The following CSGALNACT1 variants were observed in gnomAD, a reference collection of about 807,000 sequenced individuals.
CSGALNACT1 encodes beta4GalNAcT-1.
CSGALNACT1 carries 52 observed loss-of-function variants against 51.0 expected under a neutral mutation model. The observed-to-expected ratio is 1.02, with a 90% CI of 0.82 to 1.29. CSGALNACT1 has a LOEUF of 1.29. CSGALNACT1 is among the 50% of genes most tolerant of loss of function. The pLI is 0.00. For synonymous variants in CSGALNACT1, 341 were observed against 254.4 expected, an observed-to-expected ratio of 1.34 and a Z score of -3.24; for missense variants, 935 against 679.2, an observed-to-expected ratio of 1.38 and a Z score of -4.19.
intron 3 of CSGALNACT1, among the ~76,000 whole-genome samples, chr8:19,547,234 T>C (rs992144633): frequency 6.6e-6 from 1 of 152,190 alleles, no homozygotes; most frequent in African/African-American, 2.4e-5. Flanking sequence ...AGGTGTAATA[T>C]AACACACAGC....
At chr8:19,653,300 G>T (rs1327025323) in intron 1 of CSGALNACT1, among the ~76,000 whole-genome samples, 1 of 152,022 alleles carries the variant, frequency 6.6e-6, no homozygotes, top group Non-Finnish European at 1.5e-5. Flanking sequence ...TGTTGACATC[G>T]CTGAGTATCC....
rs577673487 is a variant in CSGALNACT1 at position 19,674,617 on chromosome 8, C to T, written c.-544+7856G>A. On this transcript the variant is annotated intron_variant, in intron 1 of 9. Coordinates refer to the CSGALNACT1 transcript ENST00000332246. ...TCACTCCAGGACCCTGGCCTTTATCCGCAGTGATAGGTAAGCAGTGATTGG... is the reference window on the plus strand; with the variant it reads ...TCACTCCAGGACCCTGGCCTTTATCTGCAGTGATAGGTAAGCAGTGATTGG... 7.9e-5 allele frequency among the ~76,000 whole-genome samples: 12 copies of T among 152,132 alleles called. No individual in the cohort carries two copies. The South Asian group carries it at 1.0e-3, about 13-fold the overall frequency.
exon 10 of CSGALNACT1, chr8:19,404,521 C>T (rs1231962793): frequency 2.2e-6 from 1 of 453,786 alleles, no homozygotes; most frequent in African/African-American, 2.0e-5. Context: ...AAAAATAATT[C>T]AGTTACTTCC....
At chr8:19,642,758 C>T (rs1449858724) in intron 1 of CSGALNACT1, among the ~76,000 whole-genome samples, 1 of 149,684 alleles carries the variant, frequency 6.7e-6, no homozygotes, top group African/African-American at 2.5e-5. Context: ...CACTGCACTC[C>T]GGCCTGGGTG....
At chr8:19,497,192 T>C (rs2075642442) in intron 4 of CSGALNACT1, among the ~76,000 whole-genome samples, 1 of 152,152 alleles carries the variant, frequency 6.6e-6, no homozygotes, top group African/African-American at 2.4e-5. Context: ...CCTCCTGCCC[T>C]GCACAGACAG....
intron 6 of CSGALNACT1, among the ~76,000 whole-genome samples, chr8:19,432,363 T>C (rs142914087): frequency 6.6e-6 from 1 of 152,334 alleles, no homozygotes; most frequent in East Asian, 1.9e-4. Context: ...GTTGCTTCTC[T>C]TTCTCTGTCT....
intron 5 of CSGALNACT1, among the ~76,000 whole-genome samples, chr8:19,448,560 G>A (rs1466249595): frequency 1.3e-5 from 2 of 152,126 alleles, no homozygotes; most frequent in Non-Finnish European, 2.9e-5. Flanking sequence ...GAGGTAAAAT[G>A]AACTAAAAGG....
At chr8:19,625,784 A>G (rs1268393282) in intron 1 of CSGALNACT1, among the ~76,000 whole-genome samples, 1 of 152,208 alleles carries the variant, frequency 6.6e-6, no homozygotes, top group African/African-American at 2.4e-5. Context: ...CCTACAGAAC[A>G]AGGAGTTTGA....
chr8:19,514,803 A>G (rs1466868802), intron 3 of CSGALNACT1, among the ~76,000 whole-genome samples: 1 of 151,964 alleles, frequency 6.6e-6, no homozygotes, highest in Non-Finnish European at 1.5e-5. Context: ...ACTGTACTCC[A>G]GCCTGGGGGA....
chr8:19,438,050 G>A (rs891837462), intron 6 of CSGALNACT1, among the ~76,000 whole-genome samples: 2 of 152,184 alleles, frequency 1.3e-5, no homozygotes, highest in African/African-American at 4.8e-5. Context: ...TCATTTAAAT[G>A]TGGTTACGTG....
intron 7 of CSGALNACT1, 53 bp downstream of exon 6, chr8:19,420,287 T>C: frequency 6.4e-7 from 1 of 1,553,154 alleles, no homozygotes; most frequent in East Asian, 2.2e-5. Context: ...GGACGACACA[T>C]GGGCCCGAGA....
chr8:19,485,758 GCT>G (rs1491522340), intron 4 of CSGALNACT1, among the ~76,000 whole-genome samples: 8 of 23,476 alleles, frequency 3.4e-4, no homozygotes, highest in Middle Eastern at 0.091. Flanking sequence ...ACCTCAGCTT[GCT>G]TTTTTTTTTT....
chr8:19,755,632 T>C lies in CSGALNACT1; in HGVS notation c.-297+2218A>G, dbSNP rs184261343. Among the ~76,000 whole-genome samples, 396 of 152,256 alleles carry C rather than the reference T, an allele frequency of 2.6e-3. 2 individuals carry two copies. Among genetic ancestry groups the C allele is most frequent in the South Asian group, 0.015 (73 of 4,820 alleles). On this transcript the variant is annotated intron_variant, in intron 1 of 1. Transcript: ENST00000517494. ...CAAGGCTAGGAAAGGGGAAGTAACT[T>C]GCCCAAGGTCATGCAATTAATAAGT...
chr8:19,561,578 T>G (rs948560458), intron 3 of CSGALNACT1, among the ~76,000 whole-genome samples: 2 of 152,246 alleles, frequency 1.3e-5, no homozygotes, highest in African/African-American at 4.8e-5. Flanking sequence ...AAGGCGGCCT[T>G]GGCCTGTCCT....
intron 5 of CSGALNACT1, among the ~76,000 whole-genome samples, chr8:19,450,268 GA>G (rs1447403709): frequency 1.9e-4 from 21 of 108,490 alleles, no homozygotes; most frequent in African/African-American, 2.1e-4. Context: ...CAGGGGAGGA[GA>G]GGGGGGAGGA....
At chr8:19,725,229 G>A (rs2063334695) in intron 1 of CSGALNACT1, among the ~76,000 whole-genome samples, 3 of 152,168 alleles carry the variant, frequency 2.0e-5, no homozygotes, top group Admixed American at 6.5e-5. Flanking sequence ...CGCTTTGCTA[G>A]TGCAGCCCAC....
intron 3 of CSGALNACT1, among the ~76,000 whole-genome samples, chr8:19,547,684 G>T (rs2086802669): frequency 6.6e-6 from 1 of 152,120 alleles, no homozygotes; most frequent in South Asian, 2.1e-4. Context: ...AGTAGTGTGA[G>T]AACAGACTAA....
intron 4 of CSGALNACT1, among the ~76,000 whole-genome samples, chr8:19,493,261 G>A (rs2074764822): frequency 1.3e-5 from 2 of 152,148 alleles, no homozygotes; most frequent in Admixed American, 6.5e-5. Context: ...TATTTTTAAA[G>A]CCTTTTCATT....
intron 1 of CSGALNACT1, among the ~76,000 whole-genome samples, chr8:19,710,892 G>A (rs922529922): frequency 1.1e-4 from 16 of 151,844 alleles, no homozygotes; most frequent in East Asian, 3.9e-4. Context: ...TTCTTTATTC[G>A]ATTGCATCAC....
Sources: gnomAD v4.1 joint callset for allele counts (sites outside exome capture counted in the v4.1 genomes callset) on GRCh38, gnomAD v4.1.1 for gene constraint, MANE v1.5 for transcripts, NCBI Gene and HGNC (gene_info 2026-07-23, HGNC 2026-07-21) for gene names.